Variants in SIPA1L1 observed in about 807,000 individuals in gnomAD.
The protein encoded by SIPA1L1 is signal-induced proliferation-associated 1-like protein 1.
Under a neutral mutation model 162.7 loss-of-function variants are expected in SIPA1L1, and 26 were observed. That is an observed-to-expected ratio of 0.16 (90% confidence interval 0.12 to 0.22). The LOEUF is 0.22. Among genes scored for constraint, SIPA1L1 ranks in the 10% least tolerant of loss-of-function variants. The pLI is 1.00. For missense variants in SIPA1L1, 1,874 were observed against 2,241.0 expected (o/e 0.84, Z 3.31); for synonymous variants, 829 against 837.4 (o/e 0.99, Z 0.17).
At chr14:71,625,308 T>C (rs2148623525) in intron 7 of SIPA1L1, among the ~76,000 whole-genome samples, 1 of 152,102 alleles carries the variant, frequency 6.6e-6, no homozygotes, top group African/African-American at 2.4e-5. Flanking sequence ...TTCTCTTTTT[T>C]TTTTTTTTTC....
At chr14:71,617,054 G>A (rs1173177784) in intron 5 of SIPA1L1, among the ~76,000 whole-genome samples, 1 of 152,176 alleles carries the variant, frequency 6.6e-6, no homozygotes, top group East Asian at 1.9e-4. Flanking sequence ...TGCTGCAGCG[G>A]TACAATATCC....
At chr14:71,640,597 A>G (rs145126843) in intron 7 of SIPA1L1, among the ~76,000 whole-genome samples, 2 of 152,326 alleles carry the variant, frequency 1.3e-5, no homozygotes, top group Non-Finnish European at 1.5e-5. Flanking sequence ...GAGAACTCAA[A>G]TCTGTAAAAC....
chr14:71,698,851 G>T, intron 13 of SIPA1L1, 130 bp from the exon 14 acceptor site: 1 of 760,024 alleles, frequency 1.3e-6, no homozygotes, highest in South Asian at 2.1e-5. Context: ...TAGGCTTCCA[G>T]CTGGCTTCAT....
chr14:71,504,683 G>T (rs1057027678), intron 2 of SIPA1L1, among the ~76,000 whole-genome samples: 1 of 152,144 alleles, frequency 6.6e-6, no homozygotes, highest in African/African-American at 2.4e-5. Context: ...TTGCTAAGAT[G>T]CCAGGAAATA....
chr14:71,494,013 G>T (rs534347009), intron 2 of SIPA1L1, among the ~76,000 whole-genome samples: 1 of 152,318 alleles, frequency 6.6e-6, no homozygotes, highest in African/African-American at 2.4e-5. Context: ...TGATTGGGTA[G>T]TGCTTGTGTG....
At position 71,588,722 on chromosome 14, in the gene SIPA1L1, C is replaced by A; in HGVS notation, c.850C>A (p.Arg284=). 1 of 1,613,966 alleles carries A rather than the reference C, an allele frequency of 6.2e-7. No individual in the cohort carries two copies. The highest frequency in any genetic ancestry group is 2.2e-5 in the East Asian group (1 of 44,862). ...TAAGGAAAGGGAAAAACCACTCAAG[C>A]GACGTTCAAAATCTGAAACTGGAGA... ...LFKEREKPLK[R]RSKSETGDSS... is the part of the protein sequence containing the mutation. The change falls in exon 5 of 24, where the codon CGA becomes AGA. Residue 284 remains arginine (R), a synonymous_variant. Coordinates refer to ENST00000381232, the MANE Select transcript of SIPA1L1 (RefSeq NM_001386936.1). This position sits in a 1 kb window ranked among gnomAD's most constrained non-coding sequence, Gnocchi z 4.3.
At chr14:71,710,359 C>A (rs1403396476) in intron 17 of SIPA1L1, among the ~76,000 whole-genome samples, 2 of 152,188 alleles carry the variant, frequency 1.3e-5, no homozygotes, top group African/African-American at 4.8e-5. Context: ...GTGACAAGAT[C>A]CACATAGGGA....
At chr14:71,324,052 T>C (rs75319031) in intron 2 of SIPA1L1, among the ~76,000 whole-genome samples, 3,455 of 152,346 alleles carry the variant, frequency 0.023, 123 homozygotes, top group African/African-American at 0.078. Flanking sequence ...GAAAAATAAT[T>C]GAACTTCTTT....
intron 5 of SIPA1L1, among the ~76,000 whole-genome samples, chr14:71,598,904 A>G (rs963147699): frequency 2.0e-5 from 3 of 151,690 alleles, no homozygotes; most frequent in Non-Finnish European, 3.0e-5. Flanking sequence ...TAGAACTTTT[A>G]TTGTCTAACT....
At chr14:71,545,336 A>G (rs1014350762) in intron 4 of SIPA1L1, among the ~76,000 whole-genome samples, 1 of 152,192 alleles carries the variant, frequency 6.6e-6, no homozygotes, top group African/African-American at 2.4e-5. Context: ...TGAGTATTCC[A>G]TTTACGAACC....
intron 2 of SIPA1L1, chr14:71,398,333 T>G (rs1356783656): frequency 6.6e-6 from 1 of 152,246 alleles, no homozygotes; most frequent in Non-Finnish European, 1.5e-5. Flanking sequence ...AAATTATGTT[T>G]TCACTACAAT....
Position 71,466,217 on chromosome 14 carries a change from C to T in SIPA1L1, c.-464-46526C>T, listed in dbSNP as rs573988567. Among the ~76,000 whole-genome samples the T allele has an allele frequency of 2.6e-5, 4 of 152,314 alleles. No homozygotes were observed. The South Asian group carries it at 8.3e-4, about 32-fold the overall frequency. On this transcript the variant is annotated intron_variant, in intron 2 of 23. Transcript: ENST00000381232. ...AAGCTAATGCTACCACCAAAGAGAG[C>T]TCTGCTTTGTTACTGGACTGCCATC...
Position 71,381,714 on chromosome 14 carries a change from G to A in SIPA1L1, c.-465+60533G>A, listed in dbSNP as rs2039920835. ...TATTGAATTGAACAGACTTACTTTG[G>A]TCCTTTGTTGGCAACTGCATTGTGG... On this transcript the variant is annotated intron_variant, in intron 2 of 23. Coordinates refer to ENST00000381232, the MANE Select transcript of SIPA1L1 (RefSeq NM_001386936.1). 2.0e-5 allele frequency among the ~76,000 whole-genome samples: 3 copies of A among 151,960 alleles called. 1 individual carries two copies. The South Asian group carries it at 6.2e-4, about 32-fold the overall frequency.
At chr14:71,334,860 C>CCATGTTGAAAGCATCAGTCTTGTATTTT (rs2034924131) in intron 2 of SIPA1L1, among the ~76,000 whole-genome samples, 1 of 152,008 alleles carries the variant, frequency 6.6e-6, no homozygotes, top group African/African-American at 2.4e-5. Context: ...TTAGGATCCA[C>CCATGTTGAAAGCATCAGTCTTGTATTTT]CATGTTGAAA....
At chr14:71,342,327 C>T (rs1052185091) in intron 2 of SIPA1L1, among the ~76,000 whole-genome samples, 5 of 152,100 alleles carry the variant, frequency 3.3e-5, no homozygotes, top group African/African-American at 1.2e-4. Context: ...GCCTGTTTTC[C>T]TTTGGGTATA....
chr14:71,705,592 A>G (rs1033532528), intron 16 of SIPA1L1, among the ~76,000 whole-genome samples: 2 of 151,952 alleles, frequency 1.3e-5, no homozygotes, highest in Non-Finnish European at 2.9e-5. Flanking sequence ...GTCACTAACA[A>G]TCCTGAAATG....
At chr14:71,364,599 A>G (rs2038108837) in intron 2 of SIPA1L1, among the ~76,000 whole-genome samples, 1 of 152,094 alleles carries the variant, frequency 6.6e-6, no homozygotes, top group Admixed American at 6.5e-5. Flanking sequence ...GTTAAAGGAT[A>G]TTTGGGTTGT....
chr14:71,726,752 A>G (rs1447372147), intron 19 of SIPA1L1, among the ~76,000 whole-genome samples: 1 of 152,210 alleles, frequency 6.6e-6, no homozygotes, highest in Admixed American at 6.5e-5. Context: ...CTCCAGTTTC[A>G]TCTTATTTGA....
At chr14:71,561,464 A>G (rs2056785413) in intron 4 of SIPA1L1, among the ~76,000 whole-genome samples, 1 of 152,238 alleles carries the variant, frequency 6.6e-6, no homozygotes. Flanking sequence ...CACCAGCAAG[A>G]TATAAAAATA....
Sources: allele counts gnomAD v4.1 joint callset (sites outside exome capture counted in the v4.1 genomes callset), GRCh38; gene constraint gnomAD v4.1.1; non-coding constraint Gnocchi (gnomAD v3.1); transcripts MANE v1.5; gene names NCBI Gene and HGNC (gene_info 2026-07-23, HGNC 2026-07-21).